Variants in HMGB1 observed in about 807,000 individuals in gnomAD.
HMGB1 encodes the protein high mobility group protein B1.
For synonymous variants in HMGB1, 81 were observed against 84.0 expected, an observed-to-expected ratio of 0.96 and a Z score of 0.19; for missense variants, 79 against 253.5, an observed-to-expected ratio of 0.31 and a Z score of 4.67.
At chr13:30,568,276 G>C (rs1027706722) in intron 1 of HMGB1, among the ~76,000 whole-genome samples, 6 of 152,156 alleles carry the variant, frequency 3.9e-5, no homozygotes, top group African/African-American at 1.4e-4. Flanking sequence ...AGAAGCCAAG[G>C]TGGGAGAATC....
intron 1 of HMGB1, among the ~76,000 whole-genome samples, chr13:30,582,649 C>A (rs1398182686): frequency 2.0e-5 from 3 of 149,276 alleles, no homozygotes; most frequent in Non-Finnish European, 3.0e-5. Context: ...AAAAAAAAAA[C>A]AAAAACCATC....
At chr13:30,472,535 A>G (rs1886970214) in intron 1 of HMGB1, among the ~76,000 whole-genome samples, 1 of 152,212 alleles carries the variant, frequency 6.6e-6, no homozygotes, top group African/African-American at 2.4e-5. Flanking sequence ...TGGGAGACAG[A>G]GGTTGCAGTG....
At chr13:30,518,472 G>C (rs1888150352) in intron 1 of HMGB1, among the ~76,000 whole-genome samples, 1 of 152,160 alleles carries the variant, frequency 6.6e-6, no homozygotes, top group South Asian at 2.1e-4. Context: ...TGATCTTTTG[G>C]AGTCAGACAG....
chr13:30,481,298 C>G (rs550846820), intron 1 of HMGB1, among the ~76,000 whole-genome samples: 3 of 140,426 alleles, frequency 2.1e-5, no homozygotes, highest in African/African-American at 7.8e-5. Flanking sequence ...AGAAGAAGAT[C>G]TGCTACAGCA....
chr13:30,573,255 G>A (rs1422411860), intron 1 of HMGB1, among the ~76,000 whole-genome samples: 2 of 152,148 alleles, frequency 1.3e-5, no homozygotes, highest in Non-Finnish European at 2.9e-5. Flanking sequence ...CAATTTCAGG[G>A]TTCTGTAGAG....
At chr13:30,493,026 A>G (rs1253558501) in intron 1 of HMGB1, among the ~76,000 whole-genome samples, 1 of 151,296 alleles carries the variant, frequency 6.6e-6, no homozygotes, top group Non-Finnish European at 1.5e-5. Context: ...AAAGTTAAAC[A>G]TACACCTGCC....
chr13:30,616,504 G>A (rs1467048254), intron 1 of HMGB1, among the ~76,000 whole-genome samples: 1 of 152,144 alleles, frequency 6.6e-6, no homozygotes, highest in Non-Finnish European at 1.5e-5. Context: ...AGTAGCAGTG[G>A]TGAACAAGAA....
intron 1 of HMGB1, among the ~76,000 whole-genome samples, chr13:30,557,388 A>G (rs1373205483): frequency 2.6e-5 from 4 of 152,156 alleles, no homozygotes; most frequent in Non-Finnish European, 2.9e-5. Context: ...TGCCTAGTCT[A>G]TGTTCCTTTG....
At chr13:30,505,475 A>G (rs909577865) in intron 1 of HMGB1, among the ~76,000 whole-genome samples, 12 of 151,772 alleles carry the variant, frequency 7.9e-5, no homozygotes, top group South Asian at 2.1e-4. Context: ...ACCGCGCCCA[A>G]CCATTTTTAT....
At position 30,458,828 on chromosome 13, in the gene HMGB1, TAA is replaced by T. The variant is rs1886121945; in HGVS notation, c.*2527_*2528del. ...TCAGATTTCACTTTAAGAAAATTAA[TAA>T]ATACAGCAAACATTAACAACACTGT... On this transcript the variant is annotated 3_prime_UTR_variant, in exon 5 of 5. Coordinates refer to ENST00000341423, the MANE Select transcript of HMGB1 (RefSeq NM_002128.7). 1 of 152,206 alleles carries T rather than the reference TAA, an allele frequency of 6.6e-6. No homozygotes were observed. Among genetic ancestry groups the T allele is most frequent in the Non-Finnish European group, 1.5e-5 (1 of 68,044 alleles). The allele number at this position is 152,206 out of a possible 1,614,324, so 9.4% of individuals were successfully genotyped here.
chr13:30,588,282 A>G (rs2137549843), intron 1 of HMGB1, among the ~76,000 whole-genome samples: 1 of 152,346 alleles, frequency 6.6e-6, no homozygotes, highest in African/African-American at 2.4e-5. Flanking sequence ...TAATTTATAA[A>G]TTATGAGGTA....
At chr13:30,614,421 C>A (rs1205367419) in intron 1 of HMGB1, among the ~76,000 whole-genome samples, 1 of 152,216 alleles carries the variant, frequency 6.6e-6, no homozygotes, top group Admixed American at 6.5e-5. Flanking sequence ...CTATTCCAAA[C>A]TTCTCATTTT....
intron 1 of HMGB1, among the ~76,000 whole-genome samples, chr13:30,613,355 A>G (rs145584964): frequency 2.0e-5 from 3 of 152,312 alleles, no homozygotes; most frequent in African/African-American, 7.2e-5. Context: ...TAAAGTGGGA[A>G]TATCTAGAAG....
chr13:30,580,919 G>C (rs1870871862), intron 1 of HMGB1, among the ~76,000 whole-genome samples: 1 of 152,130 alleles, frequency 6.6e-6, no homozygotes, highest in African/African-American at 2.4e-5. Context: ...GAAATCAGGA[G>C]CTATAGGAGG....
chr13:30,511,286 G>C (rs1418322431), intron 1 of HMGB1, among the ~76,000 whole-genome samples: 1 of 152,188 alleles, frequency 6.6e-6, no homozygotes, highest in Admixed American at 6.5e-5. Flanking sequence ...CCCAACGCTG[G>C]AGGCAGGGCC....
At chr13:30,613,765 G>A (rs6490472) in intron 1 of HMGB1, among the ~76,000 whole-genome samples, 76,930 of 151,968 alleles carry the variant, frequency 0.51, 22,573 homozygotes, top group African/African-American at 0.81. Context: ...ATACTGGCAT[G>A]GAGAACACAT....
chr13:30,594,796 A>C (rs1871530502), intron 1 of HMGB1, among the ~76,000 whole-genome samples: 1 of 152,200 alleles, frequency 6.6e-6, no homozygotes. Flanking sequence ...GTTGCTCTCC[A>C]CAGGGGTAGA....
At chr13:30,590,373 T>C (rs1480428209) in intron 1 of HMGB1, among the ~76,000 whole-genome samples, 3 of 152,266 alleles carry the variant, frequency 2.0e-5, no homozygotes, top group Non-Finnish European at 4.4e-5. Context: ...CTAATTTTTG[T>C]ATTTTTGGTA....
upstream of HMGB1, among the ~76,000 whole-genome samples, chr13:30,467,147 C>T: frequency 6.6e-6 from 1 of 152,210 alleles, no homozygotes; most frequent in Non-Finnish European, 1.5e-5. Context: ...TTATATCAGT[C>T]CTTTATGAAA....
Sources: allele counts gnomAD v4.1 joint callset (sites outside exome capture counted in the v4.1 genomes callset), GRCh38; gene constraint gnomAD v4.1.1; transcripts MANE v1.5; gene names NCBI Gene and HGNC (gene_info 2026-07-23, HGNC 2026-07-21).